The following INF2 variants were observed in gnomAD, a reference collection of about 807,000 sequenced individuals.
The protein encoded by INF2 is inverted formin 2.
A neutral mutation model predicts 123.5 loss-of-function variants in INF2; 43 were observed. The observed-to-expected ratio is 0.35, with a 90% CI of 0.27 to 0.45. The LOEUF (loss-of-function observed/expected upper bound fraction) is 0.45. Among genes scored for constraint, INF2 ranks in the 20% least tolerant of loss-of-function variants. The pLI is 1.00. For synonymous variants in INF2, 851 were observed against 745.0 expected (o/e 1.14, Z -2.32); for missense variants, 1,453 against 1,682.7 (o/e 0.86, Z 2.39).
intron 21 of INF2, among the ~76,000 whole-genome samples, chr14:104,715,079 C>T (rs563215168): frequency 2.0e-5 from 3 of 152,310 alleles, no homozygotes; most frequent in South Asian, 2.1e-4. Context: ...CCGACCTTCA[C>T]GCCACCTCCG....
chr14:104,705,791 C>A (rs571354300), intron 5 of INF2, among the ~76,000 whole-genome samples: 3 of 152,226 alleles, frequency 2.0e-5, no homozygotes, highest in African/African-American at 7.2e-5. Context: ...TCCCCAGGGG[C>A]GTGCGGGTGC....
In INF2 at chr14:104,703,929, G is replaced by A. The variant is rs763317042; in HGVS notation, c.681G>A (p.Leu227=). 1.2e-6 allele frequency: 2 copies of A among 1,611,054 alleles called. No individual in the cohort carries two copies. Among genetic ancestry groups the A allele is most frequent in the South Asian group, 2.2e-5 (2 of 91,084 alleles). The part of the protein sequence containing the change: ...LRNEFIGLQL[L]DVLARLRDLE... ...GTCCCTTCCCAGGGCTGCAGCTGCT[G>A]GACGTCCTGGCTCGCCTGCGGTGAG... Residue 227 remains leucine (L), a synonymous_variant, in exon 5 of 23, where the codon CTG becomes CTA. Coordinates refer to ENST00000392634, the MANE Select transcript of INF2 (RefSeq NM_022489.4).
In INF2 at chr14:104,711,954, C is replaced by T. The variant is rs993231468; in HGVS notation, c.2489+255C>T. Among the ~76,000 whole-genome samples, 3 of 152,330 alleles carry T rather than the reference C, an allele frequency of 2.0e-5. No individual in the cohort carries two copies. The South Asian group carries it at 6.2e-4, about 32-fold the overall frequency. On this transcript the variant is annotated intron_variant, in intron 16 of 22. Transcript: ENST00000392634. ...GGCCAGGTCAGGGTCACACCACGGG[C>T]AGGTCTAATACAGCCCCTTCACAAG...
chr14:104,713,717 A>T, intron 20 of INF2, 111 bp downstream of exon 20: 3 of 1,213,568 alleles, frequency 2.5e-6, no homozygotes, highest in Non-Finnish European at 3.4e-6. Context: ...TCCCTGGGCC[A>T]CCCTGGAGGC....
rs1225299581 is a variant in INF2, at chr14:104,684,118, T to C, written c.-104+2536T>C. The stretch of plus-strand genomic sequence containing the variant: ...GCACGGACCCCCGACATAAGACAGT[T>C]CAAAGCTGAGCGGCTCTCCCCATCA... On this transcript the variant is annotated intron_variant, in intron 1 of 2. Coordinates refer to the INF2 transcript ENST00000674723. The surrounding 1 kb of genome is among the most constrained non-coding windows in gnomAD (Gnocchi z 5.0). 4.4e-6 allele frequency: 2 copies of C among 455,656 alleles called. No homozygotes were observed. The highest frequency in any genetic ancestry group is 3.1e-5 in the South Asian group (2 of 64,522). 28.2% of individuals were successfully genotyped at this position (455,656 alleles called of 1,614,324 possible).
chr14:104,700,664 C>A (rs1025633358), intron 1 of INF2, among the ~76,000 whole-genome samples: 2 of 152,112 alleles, frequency 1.3e-5, no homozygotes, highest in African/African-American at 2.4e-5. Context: ...GTTACCTACC[C>A]GGGTGTTCCC....
At chr14:104,710,909 C>A in intron 13 of INF2, 28 bp from the exon 14 acceptor site, 1 of 1,606,810 alleles carries the variant, frequency 6.2e-7, no homozygotes, top group East Asian at 2.2e-5. Flanking sequence ...AACCAAGAGC[C>A]CCTCTCCAGC....
upstream of INF2, among the ~76,000 whole-genome samples, chr14:104,687,166 C>G (rs1400706203): frequency 6.6e-6 from 1 of 152,130 alleles, no homozygotes; most frequent in Non-Finnish European, 1.5e-5. This position sits in a 1 kb window ranked among gnomAD's most constrained non-coding sequence, Gnocchi z 5.6. Context: ...AAGCCGCAGG[C>G]AGTGGCTGCA....
chr14:104,713,338 G>A, intron 19 of INF2, 29 bp downstream of exon 19: 3 of 1,552,182 alleles, frequency 1.9e-6, no homozygotes, highest in Middle Eastern at 1.7e-4. Context: ...GGCGGGGAGG[G>A]GGTGACTCTG....
upstream of INF2, chr14:104,689,570 G>A (rs1283337171): frequency 4.0e-5 from 37 of 935,730 alleles, no homozygotes; most frequent in Non-Finnish European, 4.4e-5. Context: ...GCTGACGGGC[G>A]GGGCGGCACC....
chr14:104,707,186 TCCTC>T, intron 7 of INF2, 63 bp from the exon 8 acceptor site: 1 of 1,530,950 alleles, frequency 6.5e-7, no homozygotes, highest in Non-Finnish European at 8.8e-7. Flanking sequence ...TCCTGCCTCT[TCCTC>T]AAGCCCCCAT....
At position 104,712,464 on chromosome 14, in the gene INF2, A is replaced by C. The variant is rs1890100662; in HGVS notation, c.2521A>C (p.Ser841Arg). 1 of 1,612,678 alleles carries C rather than the reference A, an allele frequency of 6.2e-7. No homozygotes were observed. The highest frequency in any genetic ancestry group is 8.5e-7 in the Non-Finnish European group (1 of 1,179,824). ...CCTGGAGATCATCCGCTCAGAGGCC[A>C]GCTCCAACCTGAAGAAGCTTCTGGA... is the stretch of plus-strand genomic sequence containing the variant. ...INLEIIRSEA[S>R]SNLKKLLETE... The change falls in exon 17 of 23, where the codon AGC becomes CGC. Residue 841 changes from serine to arginine, a missense_variant. Physicochemically the swap from Ser to Arg is moderately radical, Grantham distance 110 (BLOSUM62 -1). This residue lies in a region of INF2 where 212 missense variants were observed against 266.2 expected (regional missense o/e 0.80). Transcript: ENST00000392634.
chr14:104,704,076 G>A (rs1889663771), intron 5 of INF2, 127 bp downstream of exon 5: 20 of 1,539,742 alleles, frequency 1.3e-5, no homozygotes, highest in South Asian at 2.4e-5. Context: ...TGGCTCCCTC[G>A]GAGTAACCCC....
chr14:104,698,773 A>C (rs866587621), intron 1 of INF2, among the ~76,000 whole-genome samples: 76 of 152,162 alleles, frequency 5.0e-4, no homozygotes, highest in African/African-American at 1.8e-3. Context: ...GCAGCACCAC[A>C]GAAGGAGGAG....
Position 104,705,347 on chromosome 14 carries a change from G to A in INF2, c.702-688G>A, listed in dbSNP as rs767477453. Among the ~76,000 whole-genome samples, 8 of 152,130 alleles carry A rather than the reference G, an allele frequency of 5.3e-5. 1 individual carries two copies. Among genetic ancestry groups the A allele is most frequent in the African/African-American group, 1.9e-4 (8 of 41,414 alleles). ...CAGGACAATCATTGGATCCCAGGAG[G>A]TAGAAGTTGTAGTGAGCTGAGATCG... is the stretch of plus-strand genomic sequence containing the variant. On this transcript the variant is annotated intron_variant, in intron 5 of 22. Transcript: ENST00000392634.
At chr14:104,690,588 A>T (rs551863258) in intron 1 of INF2, 2 of 152,688 alleles carry the variant, frequency 1.3e-5, no homozygotes, top group East Asian at 3.9e-4. Flanking sequence ...CAGGCAGGGA[A>T]CCAGGAACCC....
rs758752254 is a variant in INF2 at position 104,712,883 on chromosome 14, A to G, written c.2666A>G (p.Lys889Arg). Residue 889 changes from lysine to arginine, a missense_variant, in exon 18 of 23, where the codon AAG becomes AGG. Lys to Arg is a conservative substitution (Grantham distance 26, BLOSUM62 2). Transcript: ENST00000392634. Reference protein sequence around the residue: ...LDELFEAIEQKQRELADYLCE... With the variant: ...LDELFEAIEQRQRELADYLCE... ...GAGCTGTTTGAGGCCATCGAGCAGAAGCAACGGGAGCTGGCCGACTACCTG... is the reference window on the plus strand; with the variant it reads ...GAGCTGTTTGAGGCCATCGAGCAGAGGCAACGGGAGCTGGCCGACTACCTG... 1 of 1,612,686 alleles carries G rather than the reference A, an allele frequency of 6.2e-7. No individual in the cohort carries two copies.
At chr14:104,705,531 A>G (rs1889742099) in intron 5 of INF2, among the ~76,000 whole-genome samples, 1 of 152,152 alleles carries the variant, frequency 6.6e-6, no homozygotes, top group Non-Finnish European at 1.5e-5. Context: ...CTCATTGACC[A>G]GACTGAGATG....
Position 104,706,942 on chromosome 14 carries a change from G to C in INF2, c.876G>C (p.Leu292=). The C allele has an allele frequency of 6.2e-7, 1 of 1,603,724 alleles. No individual in the cohort carries two copies. ...GCTCCCCGGTGTCTGCCCAGCTCCT[G>C]TCGGTGCTGCAGGGCCTCCTGCACC... ...VSCSPVSAQL[L]SVLQGLLHLE... Residue 292 remains leucine, a synonymous_variant, in exon 7 of 23, where the codon CTG becomes CTC. Coordinates refer to ENST00000392634, the MANE Select transcript of INF2 (RefSeq NM_022489.4).
Sources: allele counts gnomAD v4.1 joint callset (sites outside exome capture counted in the v4.1 genomes callset), GRCh38; gene constraint gnomAD v4.1.1; regional missense constraint gnomAD v4.1.1; non-coding constraint Gnocchi (gnomAD v3.1); transcripts MANE v1.5; gene names NCBI Gene and HGNC (gene_info 2026-07-23, HGNC 2026-07-21).